Variants in CHN2 observed in about 807,000 individuals in gnomAD.
CHN2 encodes the protein chimerin 2, also known as beta-chimaerin.
A neutral mutation model predicts 56.3 loss-of-function variants in CHN2; 35 were observed. The ratio of observed to expected loss-of-function variants is 0.62; its 90% CI spans 0.47 to 0.82. The LOEUF (loss-of-function observed/expected upper bound fraction) is 0.82. CHN2 is among the 40% of genes least tolerant of loss of function. CHN2 has a pLI of 0.00. For synonymous variants in CHN2, 210 were observed against 212.8 expected (o/e 0.99, Z 0.12); for missense variants, 491 against 580.5 (o/e 0.85, Z 1.58).
intron 2 of CHN2, among the ~76,000 whole-genome samples, chr7:29,186,993 C>G (rs1190940730): frequency 6.6e-6 from 1 of 152,078 alleles, no homozygotes; most frequent in South Asian, 2.1e-4. Flanking sequence ...ATGAGGATAA[C>G]AATTCTCACT....
At chr7:29,224,035 C>A (rs903224392) in intron 1 of CHN2, among the ~76,000 whole-genome samples, 1 of 152,088 alleles carries the variant, frequency 6.6e-6, no homozygotes, top group Admixed American at 6.6e-5. Flanking sequence ...AGACTTTCAT[C>A]AAGGGAAAGG....
intron 6 of CHN2, among the ~76,000 whole-genome samples, chr7:29,447,887 A>T (rs994422856): frequency 1.3e-5 from 2 of 152,226 alleles, no homozygotes; most frequent in Non-Finnish European, 2.9e-5. Flanking sequence ...CTGGGTGCAT[A>T]TTAGAATCAC....
intron 3 of CHN2, among the ~76,000 whole-genome samples, chr7:29,392,715 A>G (rs950771442): frequency 2.0e-5 from 3 of 152,152 alleles, no homozygotes; most frequent in African/African-American, 7.2e-5. Flanking sequence ...AAACTGCCCC[A>G]TATCATGAAA....
chr7:29,231,408 A>G (rs1170916031), intron 1 of CHN2, among the ~76,000 whole-genome samples: 1 of 152,176 alleles, frequency 6.6e-6, no homozygotes, highest in Non-Finnish European at 1.5e-5. Context: ...TTTTGTATAA[A>G]AGGACAGTCT....
chr7:29,392,140 A>G (rs930815407), intron 3 of CHN2, among the ~76,000 whole-genome samples: 1 of 152,244 alleles, frequency 6.6e-6, no homozygotes, highest in African/African-American at 2.4e-5. Flanking sequence ...CGCCTCTCAA[A>G]GAATGGAGAT....
At chr7:29,492,705 C>G (rs1788796108) in intron 7 of CHN2, among the ~76,000 whole-genome samples, 1 of 152,126 alleles carries the variant, frequency 6.6e-6, no homozygotes, top group African/African-American at 2.4e-5. Context: ...AGAGGAGGTA[C>G]CCACATATTT....
intron 1 of CHN2, among the ~76,000 whole-genome samples, chr7:29,326,784 C>T (rs903960110): frequency 6.6e-6 from 1 of 152,166 alleles, no homozygotes; most frequent in Admixed American, 6.5e-5. Context: ...CATTCTACCT[C>T]CACGATCCTT....
intron 6 of CHN2, among the ~76,000 whole-genome samples, chr7:29,474,525 C>G (rs1425297190): frequency 6.6e-6 from 1 of 152,170 alleles, no homozygotes; most frequent in Non-Finnish European, 1.5e-5. Flanking sequence ...AAGAACTCTC[C>G]TCACCACACC....
At chr7:29,220,450 T>A (rs1280631065) in intron 1 of CHN2, among the ~76,000 whole-genome samples, 3 of 151,680 alleles carry the variant, frequency 2.0e-5, no homozygotes, top group Non-Finnish European at 4.4e-5. Context: ...GAAAATACAA[T>A]GAATTTCAGA....
At chr7:29,405,164 T>TACACACAC (rs57823678) in intron 6 of CHN2, among the ~76,000 whole-genome samples, 7,577 of 104,958 alleles carry the variant, frequency 0.072, 1,162 homozygotes, top group Middle Eastern at 0.099. Context: ...TATGTCACCA[T>TACACACAC]ACACACACAC....
intron 1 of CHN2, among the ~76,000 whole-genome samples, chr7:29,340,958 G>A (rs111773933): frequency 3.2e-4 from 48 of 152,260 alleles, no homozygotes; most frequent in Middle Eastern, 3.4e-3. Flanking sequence ...GCTGCTAGGC[G>A]ACTGAGAATT....
At chr7:29,417,717 C>T (rs769909138) in intron 6 of CHN2, among the ~76,000 whole-genome samples, 7 of 152,090 alleles carry the variant, frequency 4.6e-5, no homozygotes, top group African/African-American at 1.7e-4. Flanking sequence ...AAGAATAACA[C>T]AGTTTGCAAG....
At chr7:29,267,613 G>C (rs183833985) in intron 1 of CHN2, among the ~76,000 whole-genome samples, 161 of 152,290 alleles carry the variant, frequency 1.1e-3, no homozygotes, top group Non-Finnish European at 4.4e-5. Context: ...AGAAGAGTTT[G>C]ATGGAGTGAA....
Position 29,460,785 on chromosome 7 carries a change from A to G in CHN2, c.577-19494A>G, listed in dbSNP as rs369158827. Among the ~76,000 whole-genome samples, 104 of 152,350 alleles carry G rather than the reference A, an allele frequency of 6.8e-4. 2 individuals are homozygous for G. The South Asian group carries it at 0.012, about 17-fold the overall frequency. On this transcript the variant is annotated intron_variant, in intron 6 of 12. Coordinates refer to ENST00000222792, the MANE Select transcript of CHN2 (RefSeq NM_004067.4). ...GGAACAGAGCCCTGTCCTTGGCTGCATAGGCACAGGGAAGCAGAACAGCGG... is the reference window on the plus strand; with the variant it reads ...GGAACAGAGCCCTGTCCTTGGCTGCGTAGGCACAGGGAAGCAGAACAGCGG...
chr7:29,284,795 T>C (rs920925665), intron 1 of CHN2, among the ~76,000 whole-genome samples: 2 of 152,218 alleles, frequency 1.3e-5, no homozygotes, highest in Non-Finnish European at 2.9e-5. Flanking sequence ...CGTTTTAAGC[T>C]GCTAAGTTTG....
intron 1 of CHN2, among the ~76,000 whole-genome samples, chr7:29,328,273 T>A (rs779160196): frequency 2.0e-5 from 3 of 152,216 alleles, no homozygotes; most frequent in Non-Finnish European, 4.4e-5. Flanking sequence ...GCTTGTCCAA[T>A]GTACACACTC....
chr7:29,468,876 A>T (rs75084223), intron 6 of CHN2, among the ~76,000 whole-genome samples: 10,145 of 152,126 alleles, frequency 0.067, 761 homozygotes, highest in African/African-American at 0.19. Flanking sequence ...CCCAGAACCT[A>T]GTCCTGGGGT....
intron 6 of CHN2, among the ~76,000 whole-genome samples, chr7:29,426,244 G>C (rs979219227): frequency 6.7e-6 from 1 of 149,406 alleles, no homozygotes; most frequent in African/African-American, 2.5e-5. Context: ...GACTGCAAGA[G>C]AGGTTAATGG....
chr7:29,394,569 G>A (rs2128077010), intron 4 of CHN2, among the ~76,000 whole-genome samples: 1 of 152,300 alleles, frequency 6.6e-6, no homozygotes, highest in East Asian at 1.9e-4. Context: ...TGCCACAGCT[G>A]CATTTCAGAA....
Sources: allele counts gnomAD v4.1 joint callset (sites outside exome capture counted in the v4.1 genomes callset), GRCh38; gene constraint gnomAD v4.1.1; transcripts MANE v1.5; gene names NCBI Gene and HGNC (gene_info 2026-07-23, HGNC 2026-07-21).